The following NRXN1 variants were observed in gnomAD, a reference collection of about 807,000 sequenced individuals.
NRXN1 encodes neurexin 1.
Under a neutral mutation model 150.9 loss-of-function variants are expected in NRXN1, and 39 were observed. That is an observed-to-expected ratio of 0.26 (90% confidence interval 0.20 to 0.34). The LOEUF is 0.34. Ranked by LOEUF, NRXN1 falls within the 10% of genes least tolerant of loss-of-function variation. NRXN1 has a pLI of 1.00. For missense variants in NRXN1, 1,815 were observed against 1,949.9 expected, an observed-to-expected ratio of 0.93 and a Z score of 1.30; for synonymous variants, 924 against 757.0, an observed-to-expected ratio of 1.22 and a Z score of -3.62.
intron 17 of NRXN1, among the ~76,000 whole-genome samples, chr2:50,299,713 G>A (rs1052291124): frequency 6.6e-6 from 1 of 152,096 alleles, no homozygotes; most frequent in East Asian, 1.9e-4. Context: ...TAGTTAATCT[G>A]TATATCCACA....
intron 5 of NRXN1, among the ~76,000 whole-genome samples, chr2:50,905,938 T>C (rs1683602597): frequency 6.6e-6 from 1 of 152,064 alleles, no homozygotes; most frequent in South Asian, 2.1e-4. Flanking sequence ...ATTTAGACAG[T>C]CTATTAAATG....
intron 17 of NRXN1, among the ~76,000 whole-genome samples, chr2:50,292,395 T>G (rs2073033884): frequency 6.6e-6 from 1 of 152,146 alleles, no homozygotes; most frequent in Non-Finnish European, 1.5e-5. Flanking sequence ...GAGAAAAAGT[T>G]TGATCCCTGA....
intron 18 of NRXN1, among the ~76,000 whole-genome samples, chr2:50,181,817 A>C (rs1490092458): frequency 6.6e-6 from 1 of 152,122 alleles, no homozygotes; most frequent in African/African-American, 2.4e-5. Flanking sequence ...CGCACCACAA[A>C]ATTGATAATT....
At chr2:50,782,596 G>GA (rs2105526760) in intron 5 of NRXN1, among the ~76,000 whole-genome samples, 1 of 151,926 alleles carries the variant, frequency 6.6e-6, no homozygotes, top group Non-Finnish European at 1.5e-5. Context: ...CCAAAAATAA[G>GA]AAAAAAGAAA....
intron 18 of NRXN1, among the ~76,000 whole-genome samples, chr2:50,122,006 A>G (rs11887484): frequency 0.27 from 41,546 of 152,144 alleles, 6,087 homozygotes; most frequent in Admixed American, 0.41. Flanking sequence ...ATATTTCAAG[A>G]GAAAGTAGTA....
intron 5 of NRXN1, among the ~76,000 whole-genome samples, chr2:50,876,080 A>G (rs1216605252): frequency 6.6e-6 from 1 of 151,560 alleles, no homozygotes; most frequent in Non-Finnish European, 1.5e-5. Flanking sequence ...AAGGCTAACT[A>G]CTCTTTTTCC....
intron 21 of NRXN1, chr2:50,019,339 A>G: frequency 2.1e-6 from 1 of 471,100 alleles, no homozygotes; most frequent in Non-Finnish European, 4.4e-6. Flanking sequence ...TCGCTTGGAA[A>G]TTTAGTACTT....
intron 12 of NRXN1, among the ~76,000 whole-genome samples, chr2:50,524,027 T>C (rs901082009): frequency 1.1e-4 from 16 of 152,012 alleles, no homozygotes; most frequent in Non-Finnish European, 2.9e-5. Context: ...ATACTGGAAA[T>C]GAAGAAGTAA....
intron 5 of NRXN1, among the ~76,000 whole-genome samples, chr2:50,803,681 T>C (rs745783332): frequency 1.6e-4 from 24 of 152,200 alleles, no homozygotes; most frequent in Non-Finnish European, 3.1e-4. Flanking sequence ...AACCATGCTG[T>C]TTGAGGTCAG....
At chr2:50,183,309 C>G (rs1261858739) in intron 18 of NRXN1, among the ~76,000 whole-genome samples, 1 of 152,002 alleles carries the variant, frequency 6.6e-6, no homozygotes. Flanking sequence ...TATTATACCA[C>G]AGGGTTCATA....
intron 5 of NRXN1, among the ~76,000 whole-genome samples, chr2:50,702,961 A>C (rs1693960280): frequency 6.6e-6 from 1 of 152,052 alleles, no homozygotes; most frequent in Non-Finnish European, 1.5e-5. Flanking sequence ...TTATAATAGG[A>C]TATAAACAAG....
At chr2:50,865,067 C>T (rs68017496) in intron 5 of NRXN1, among the ~76,000 whole-genome samples, 3 of 151,416 alleles carry the variant, frequency 2.0e-5, no homozygotes, top group Admixed American at 6.6e-5. Flanking sequence ...TGTGTGTATG[C>T]GGTGAGGGGG....
intron 17 of NRXN1, among the ~76,000 whole-genome samples, chr2:50,271,076 T>C (rs2069555314): frequency 6.6e-6 from 1 of 152,122 alleles, no homozygotes; most frequent in Non-Finnish European, 1.5e-5. Context: ...ATGAAAACAA[T>C]TCAGAATACT....
intron 17 of NRXN1, among the ~76,000 whole-genome samples, chr2:50,385,571 G>A (rs1420173869): frequency 2.0e-5 from 3 of 152,268 alleles, no homozygotes; most frequent in African/African-American, 7.2e-5. Flanking sequence ...GAGTGGCAGC[G>A]TGCCATTTTC....
chr2:50,074,471 T>C (rs891504115), intron 19 of NRXN1, among the ~76,000 whole-genome samples: 24 of 152,132 alleles, frequency 1.6e-4, no homozygotes, highest in African/African-American at 5.8e-4. Flanking sequence ...TTCTGTAAAA[T>C]GGGGATAATT....
At chr2:50,689,094 T>C (rs981000258) in intron 5 of NRXN1, among the ~76,000 whole-genome samples, 1 of 152,184 alleles carries the variant, frequency 6.6e-6, no homozygotes, top group Non-Finnish European at 1.5e-5. Flanking sequence ...TTTTAGGATA[T>C]GCATTGAGAT....
At chr2:50,533,723 C>CTTCT (rs2093178852) in intron 10 of NRXN1, among the ~76,000 whole-genome samples, 1 of 152,272 alleles carries the variant, frequency 6.6e-6, no homozygotes, top group East Asian at 1.9e-4. Context: ...GTATGTCCCG[C>CTTCT]TTCTTGTTCA....
At chr2:50,342,965 T>C (rs2077660720) in intron 17 of NRXN1, among the ~76,000 whole-genome samples, 1 of 152,220 alleles carries the variant, frequency 6.6e-6, no homozygotes, top group African/African-American at 2.4e-5. Flanking sequence ...AAGTTTGGTA[T>C]GTGTACTGAA....
chr2:50,866,561 A>T (rs1676968878), intron 5 of NRXN1, among the ~76,000 whole-genome samples: 1 of 151,942 alleles, frequency 6.6e-6, no homozygotes, highest in Non-Finnish European at 1.5e-5. Context: ...TTAAAATATC[A>T]GATCTATTTA....
Sources: gnomAD v4.1 joint callset for allele counts (sites outside exome capture counted in the v4.1 genomes callset) on GRCh38, gnomAD v4.1.1 for gene constraint, MANE v1.5 for transcripts, NCBI Gene and HGNC (gene_info 2026-07-23, HGNC 2026-07-21) for gene names.